The following MSRB3 variants were observed in gnomAD, a reference collection of about 807,000 sequenced individuals.
The protein encoded by MSRB3 is methionine sulfoxide reductase B3, also known as methionine-R-sulfoxide reductase B3.
In MSRB3, 13 loss-of-function variants were observed where a neutral mutation model predicts 21.0. That is an observed-to-expected ratio of 0.62 (90% CI 0.40 to 0.98). MSRB3 has a LOEUF of 0.98. Ranked by LOEUF, MSRB3 falls within the 50% of genes least tolerant of loss-of-function variation. The pLI is 0.00. For synonymous variants in MSRB3, 87 were observed against 88.6 expected (o/e 0.98, Z 0.10); for missense variants, 199 against 230.3 (o/e 0.86, Z 0.88).
At chr12:65,334,328 T>G (rs1008114616) in intron 4 of MSRB3, among the ~76,000 whole-genome samples, 28 of 152,170 alleles carry the variant, frequency 1.8e-4, no homozygotes, top group African/African-American at 6.8e-4. Flanking sequence ...ACACATTTTA[T>G]AGATGAGGAA....
chr12:65,398,174 G>A (rs1476895432), intron 5 of MSRB3, among the ~76,000 whole-genome samples: 2 of 152,154 alleles, frequency 1.3e-5, no homozygotes, highest in Middle Eastern at 3.2e-3. Flanking sequence ...GATCCTTGAG[G>A]AATTGCCACA....
intron 5 of MSRB3, among the ~76,000 whole-genome samples, chr12:65,402,830 C>A (rs561665190): frequency 7.2e-5 from 11 of 152,114 alleles, no homozygotes; most frequent in Non-Finnish European, 1.3e-4. Context: ...GCTATTCCTC[C>A]CTGTTAGTTT....
chr12:65,435,461 C>T (rs533249183), intron 5 of MSRB3, among the ~76,000 whole-genome samples: 2 of 151,938 alleles, frequency 1.3e-5, no homozygotes, highest in East Asian at 3.9e-4. Flanking sequence ...TTGCCAGCTT[C>T]TCCACGTGTC....
intron 1 of MSRB3, among the ~76,000 whole-genome samples, chr12:65,294,473 A>G (rs1351780313): frequency 6.6e-6 from 1 of 152,108 alleles, no homozygotes; most frequent in Non-Finnish European, 1.5e-5. Context: ...GTTTTCCCCT[A>G]TTTTTATACT....
intron 1 of MSRB3, among the ~76,000 whole-genome samples, chr12:65,298,162 A>T (rs1227402884): frequency 6.6e-6 from 1 of 152,034 alleles, no homozygotes; most frequent in African/African-American, 2.4e-5. Flanking sequence ...TGCCACCACG[A>T]CTGGCTAATT....
intron 2 of MSRB3, among the ~76,000 whole-genome samples, chr12:65,316,746 A>G (rs1874324982): frequency 6.6e-6 from 1 of 152,144 alleles, no homozygotes; most frequent in Non-Finnish European, 1.5e-5. Flanking sequence ...TGAAGGTTTG[A>G]CGATTCTATA....
intron 5 of MSRB3, among the ~76,000 whole-genome samples, chr12:65,406,732 A>G (rs768971077): frequency 6.6e-6 from 1 of 152,184 alleles, no homozygotes; most frequent in Non-Finnish European, 1.5e-5. Context: ...TGTCCTCCCC[A>G]ATATTTATGT....
intron 5 of MSRB3, among the ~76,000 whole-genome samples, chr12:65,371,961 C>T (rs569394694): frequency 4.6e-5 from 7 of 152,072 alleles, no homozygotes; most frequent in Non-Finnish European, 1.0e-4. Context: ...GTGATTAGCA[C>T]CCATATAGTC....
At chr12:65,374,419 G>C (rs1217283996) in intron 5 of MSRB3, among the ~76,000 whole-genome samples, 1 of 152,122 alleles carries the variant, frequency 6.6e-6, no homozygotes, top group Non-Finnish European at 1.5e-5. Flanking sequence ...TATGCTGGTT[G>C]GTTGGTCCAT....
At chr12:65,339,466 T>G (rs1362035781) in intron 4 of MSRB3, among the ~76,000 whole-genome samples, 1 of 152,236 alleles carries the variant, frequency 6.6e-6, no homozygotes, top group Non-Finnish European at 1.5e-5. Context: ...CTGATTTCTG[T>G]GGTGCAGATA....
chr12:65,310,126 CT>C lies in MSRB3; in HGVS notation c.76+1478del, dbSNP rs150566556. Among the ~76,000 whole-genome samples, 1,228 of 152,158 alleles carry C rather than the reference CT, an allele frequency of 8.1e-3. 17 individuals are homozygous for C. Among genetic ancestry groups the C allele is most frequent in the African/African-American group, 0.029 (1,187 of 41,502 alleles). On this transcript the variant is annotated intron_variant, in intron 2 of 6. Coordinates refer to ENST00000308259, the MANE Select transcript of MSRB3 (RefSeq NM_001031679.3). The stretch of plus-strand genomic sequence containing the variant: ...AAGCTATATTTAAATAGCAAATACA[CT>C]TTTTTTAAAAGTAGATCTTATGTCT...
At chr12:65,411,757 A>G (rs1880726585) in intron 5 of MSRB3, among the ~76,000 whole-genome samples, 1 of 148,956 alleles carries the variant, frequency 6.7e-6, no homozygotes, top group Non-Finnish European at 1.5e-5. Flanking sequence ...TTTATATTTA[A>G]TATATACTAA....
intron 5 of MSRB3, among the ~76,000 whole-genome samples, chr12:65,418,449 G>C (rs1881096517): frequency 6.6e-6 from 1 of 152,038 alleles, no homozygotes; most frequent in Non-Finnish European, 1.5e-5. Context: ...CTATCCTATA[G>C]GTTGTCTCTT....
intron 5 of MSRB3, among the ~76,000 whole-genome samples, chr12:65,396,263 C>T (rs1000076007): frequency 3.3e-5 from 5 of 152,124 alleles, no homozygotes; most frequent in African/African-American, 4.8e-5. Context: ...GATCCATGTG[C>T]CATTTAGAAG....
intron 5 of MSRB3, among the ~76,000 whole-genome samples, chr12:65,397,541 A>G (rs1879880500): frequency 6.6e-6 from 1 of 151,860 alleles, no homozygotes; most frequent in South Asian, 2.1e-4. Flanking sequence ...ATTTTGTATG[A>G]TTCCATTTTC....
At chr12:65,290,560 T>C (rs1872613244) in intron 1 of MSRB3, among the ~76,000 whole-genome samples, 1 of 152,226 alleles carries the variant, frequency 6.6e-6, no homozygotes, top group Non-Finnish European at 1.5e-5. Context: ...ACAGGTCTTT[T>C]AAAAATTCTC....
intron 4 of MSRB3, among the ~76,000 whole-genome samples, chr12:65,360,014 C>T (rs1015451468): frequency 1.3e-4 from 20 of 151,996 alleles, no homozygotes; most frequent in African/African-American, 4.8e-4. Flanking sequence ...CTGATGTCTT[C>T]TGAGGTCTCT....
intron 5 of MSRB3, among the ~76,000 whole-genome samples, chr12:65,439,100 C>CTAGG (rs1317231631): frequency 1.3e-5 from 2 of 151,664 alleles, no homozygotes; most frequent in Non-Finnish European, 3.0e-5. Context: ...TTAAAACATA[C>CTAGG]TAGGCCAAGG....
At chr12:65,348,928 T>G (rs958191476) in intron 4 of MSRB3, among the ~76,000 whole-genome samples, 5 of 152,122 alleles carry the variant, frequency 3.3e-5, no homozygotes, top group African/African-American at 1.2e-4. Flanking sequence ...TTTTATATAC[T>G]TTAAGTTTTA....
Sources: gnomAD v4.1 joint callset for allele counts (sites outside exome capture counted in the v4.1 genomes callset) on GRCh38, gnomAD v4.1.1 for gene constraint, MANE v1.5 for transcripts, NCBI Gene and HGNC (gene_info 2026-07-23, HGNC 2026-07-21) for gene names.